ZFPM2: variants seen among roughly 807,000 people sequenced by gnomAD.
ZFPM2 encodes the protein zinc finger protein, FOG family member 2.
ZFPM2 carries 20 observed loss-of-function variants against 98.6 expected under a neutral mutation model. The ratio of observed to expected loss-of-function variants is 0.20; its 90% CI spans 0.14 to 0.29. ZFPM2 has a LOEUF of 0.29. Ranked by LOEUF, ZFPM2 falls within the 10% of genes least tolerant of loss-of-function variation. The pLI is 1.00. For missense variants in ZFPM2, 1,310 were observed against 1,388.6 expected (o/e 0.94, Z 0.90); for synonymous variants, 518 against 502.7 (o/e 1.03, Z -0.41).
intron 1 of ZFPM2, among the ~76,000 whole-genome samples, chr8:105,347,972 C>A (rs776189402): frequency 6.6e-6 from 1 of 152,096 alleles, no homozygotes; most frequent in African/African-American, 2.4e-5. Flanking sequence ...TCACCTTAAT[C>A]CAGTGTGATT....
intron 3 of ZFPM2, among the ~76,000 whole-genome samples, chr8:105,470,207 A>C (rs1036762902): frequency 1.3e-4 from 20 of 151,708 alleles, no homozygotes; most frequent in African/African-American, 4.8e-4. Context: ...TTTTAAATTT[A>C]TTTTTTGAGA....
chr8:105,464,020 C>G (rs1186731063), intron 3 of ZFPM2, among the ~76,000 whole-genome samples: 6 of 152,072 alleles, frequency 3.9e-5, no homozygotes, highest in Non-Finnish European at 1.5e-5. Context: ...TTTGTTTCTT[C>G]TGAGGGCTTC....
In ZFPM2 at chr8:105,644,749, A is replaced by G. The variant is rs58863306; in HGVS notation, c.532+10392A>G. ...TGAGAGCTCTCTTCTGGGTTTGTGG[A>G]TGGGCACCTTCTTGCTGCATAGTCA... On this transcript the variant is annotated intron_variant, in intron 5 of 7. Transcript: ENST00000407775. Among the ~76,000 whole-genome samples, 661 of 152,206 alleles carry G rather than the reference A, an allele frequency of 4.3e-3. 4 individuals carry two copies. The highest frequency in any genetic ancestry group is 0.015 in the African/African-American group (632 of 41,530).
chr8:105,406,390 G>C (rs936011730), intron 1 of ZFPM2, among the ~76,000 whole-genome samples: 1 of 152,010 alleles, frequency 6.6e-6, no homozygotes, highest in Admixed American at 6.6e-5. Context: ...AATAAATGGT[G>C]CTGGGAAAAC....
intron 5 of ZFPM2, among the ~76,000 whole-genome samples, chr8:105,671,652 G>A (rs139414660): frequency 1.6e-3 from 242 of 150,840 alleles, no homozygotes; most frequent in African/African-American, 5.7e-3. Context: ...TAAATAGGTG[G>A]TTTTTTTTTA....
chr8:105,732,896 G>A (rs558057730), intron 5 of ZFPM2, among the ~76,000 whole-genome samples: 3 of 151,872 alleles, frequency 2.0e-5, no homozygotes, highest in African/African-American at 2.4e-5. Context: ...ATGGAATGCA[G>A]CTTCTTGTTG....
intron 5 of ZFPM2, among the ~76,000 whole-genome samples, chr8:105,693,301 G>A (rs929262334): frequency 3.6e-4 from 54 of 151,990 alleles, no homozygotes; most frequent in African/African-American, 1.3e-3. Context: ...CTTGTGTAGA[G>A]AAGGTCAAGT....
intron 3 of ZFPM2, among the ~76,000 whole-genome samples, chr8:105,535,410 G>T (rs1353312174): frequency 6.6e-6 from 1 of 152,122 alleles, no homozygotes; most frequent in African/African-American, 2.4e-5. Flanking sequence ...CCAAATATCA[G>T]CAGAGAAAAC....
chr8:105,400,918 G>A (rs1409345857), intron 1 of ZFPM2, among the ~76,000 whole-genome samples: 1 of 151,762 alleles, frequency 6.6e-6, no homozygotes, highest in East Asian at 1.9e-4. Flanking sequence ...ATGTCCATCA[G>A]CAAGCAAAGT....
intron 3 of ZFPM2, among the ~76,000 whole-genome samples, chr8:105,503,221 A>T (rs1057482455): frequency 3.3e-5 from 5 of 152,216 alleles, no homozygotes; most frequent in African/African-American, 1.2e-4. Context: ...AATAAATTAT[A>T]TTCATAAACT....
chr8:105,564,026 TGGATA>T (rs1815194327), intron 4 of ZFPM2, among the ~76,000 whole-genome samples: 1 of 152,136 alleles, frequency 6.6e-6, no homozygotes, highest in Non-Finnish European at 1.5e-5. Context: ...TAAATCGTGA[TGGATA>T]GAAGATAAAC....
At chr8:105,563,547 T>A (rs1320221496) in intron 4 of ZFPM2, among the ~76,000 whole-genome samples, 1 of 152,190 alleles carries the variant, frequency 6.6e-6, no homozygotes. Context: ...AGATTTGTGA[T>A]GTAGCCACAA....
chr8:105,398,903 G>C (rs559107393), intron 1 of ZFPM2, among the ~76,000 whole-genome samples: 1 of 152,304 alleles, frequency 6.6e-6, no homozygotes, highest in African/African-American at 2.4e-5. Context: ...AGGATAGACT[G>C]GCTGAGGCAG....
chr8:105,724,340 A>G (rs991854466), intron 5 of ZFPM2, among the ~76,000 whole-genome samples: 2 of 151,874 alleles, frequency 1.3e-5, no homozygotes, highest in African/African-American at 2.4e-5. Flanking sequence ...TCTATGATAT[A>G]TATCAAGCAA....
chr8:105,788,276 A>G (rs1813481967), intron 5 of ZFPM2, among the ~76,000 whole-genome samples: 1 of 151,978 alleles, frequency 6.6e-6, no homozygotes, highest in South Asian at 2.1e-4. Flanking sequence ...TCATGGGGGG[A>G]AAAGAAGGAG....
intron 4 of ZFPM2, among the ~76,000 whole-genome samples, chr8:105,587,187 G>C (rs1815739353): frequency 6.7e-6 from 1 of 149,038 alleles, no homozygotes. Flanking sequence ...TGAGGCAGGA[G>C]AATGGCATGA....
At chr8:105,578,741 A>C (rs1181673948) in intron 4 of ZFPM2, among the ~76,000 whole-genome samples, 5 of 152,158 alleles carry the variant, frequency 3.3e-5, no homozygotes, top group African/African-American at 1.2e-4. Flanking sequence ...AGATTCCACT[A>C]TGAAGTGACT....
intron 4 of ZFPM2, among the ~76,000 whole-genome samples, chr8:105,597,454 CCT>C (rs139920089): frequency 0.029 from 4,450 of 152,064 alleles, 113 homozygotes; most frequent in Non-Finnish European, 0.044. Context: ...AAACCTCTCC[CCT>C]GTGTGATTTT....
intron 1 of ZFPM2, among the ~76,000 whole-genome samples, chr8:105,381,569 A>G (rs1810890353): frequency 6.6e-6 from 1 of 152,132 alleles, no homozygotes; most frequent in Non-Finnish European, 1.5e-5. Flanking sequence ...ATTCTTACTG[A>G]GATTCCCCAT....
Sources: allele counts gnomAD v4.1 joint callset (sites outside exome capture counted in the v4.1 genomes callset), GRCh38; gene constraint gnomAD v4.1.1; transcripts MANE v1.5; gene names NCBI Gene and HGNC (gene_info 2026-07-23, HGNC 2026-07-21).